Variants in ERC1 observed in about 807,000 individuals in gnomAD.
ERC1 encodes the protein ELKS/RAB6-interacting/CAST family member 1, also known as RAB6 interacting protein 2.
ERC1 carries 56 observed loss-of-function variants against 132.0 expected under a neutral mutation model. The ratio of observed to expected loss-of-function variants is 0.42; its 90% CI spans 0.34 to 0.53. ERC1 has a LOEUF of 0.53. Ranked by LOEUF, ERC1 falls within the 20% of genes least tolerant of loss-of-function variation. The probability of loss-of-function intolerance (pLI) is 0.03; values close to 1 mark genes in which losing one functional copy is unlikely to be tolerated. For missense variants in ERC1, 1,202 were observed against 1,349.9 expected (o/e 0.89, Z 1.72); for synonymous variants, 478 against 476.1 (o/e 1.00, Z -0.05).
chr12:1,139,606 G>A (rs908117586), intron 7 of ERC1, among the ~76,000 whole-genome samples: 2 of 152,102 alleles, frequency 1.3e-5, no homozygotes, highest in East Asian at 3.8e-4. Context: ...GACAAGGGGG[G>A]ATTACTGTAT....
intron 2 of ERC1, among the ~76,000 whole-genome samples, chr12:1,042,296 C>T (rs891450284): frequency 1.3e-5 from 2 of 150,732 alleles, no homozygotes; most frequent in Non-Finnish European, 2.9e-5. Flanking sequence ...CTCAGCTTCC[C>T]GAAGTGCTGG....
At chr12:1,438,954 A>AAAAAATATATAT (rs1015181197) in intron 17 of ERC1, among the ~76,000 whole-genome samples, 24 of 143,576 alleles carry the variant, frequency 1.7e-4, no homozygotes, top group African/African-American at 5.0e-4. Flanking sequence ...TTTAAAAAAA[A>AAAAAATATATAT]ATATATATAT....
chr12:1,178,025 T>TA (rs1247796075), intron 8 of ERC1, among the ~76,000 whole-genome samples: 14 of 152,234 alleles, frequency 9.2e-5, no homozygotes, highest in Non-Finnish European at 1.0e-4. Context: ...GTTCTTACAA[T>TA]AGGCTTTGGT....
chr12:1,121,683 C>A lies in ERC1; in HGVS notation c.1569+5650C>A, dbSNP rs866845489. On this transcript the variant is annotated intron_variant, in intron 7 of 18. Coordinates refer to ENST00000360905, the MANE Select transcript of ERC1 (RefSeq NM_178040.4). ...TATCTCTATCTCTATCTCTATCTAT[C>A]TCTATCTCTATCTCTATCTCTATCT... 8.5e-3 allele frequency among the ~76,000 whole-genome samples: 476 copies of A among 55,872 alleles called. 15 individuals are homozygous for A. Among genetic ancestry groups the A allele is most frequent in the African/African-American group, 0.024 (359 of 15,152 alleles). 36.7% of individuals were successfully genotyped at this position (55,872 alleles called of 152,430 possible).
intron 15 of ERC1, among the ~76,000 whole-genome samples, chr12:1,365,560 A>G (rs534941907): frequency 4.3e-4 from 65 of 152,330 alleles, no homozygotes; most frequent in African/African-American, 1.5e-3. Context: ...TTGTATTCCA[A>G]CTATTCCTAA....
chr12:1,140,982 G>A (rs1356228289), intron 7 of ERC1, among the ~76,000 whole-genome samples: 1 of 152,038 alleles, frequency 6.6e-6, no homozygotes, highest in Non-Finnish European at 1.5e-5. Flanking sequence ...TATGTGTGGG[G>A]TGCTAAAAGC....
intron 15 of ERC1, among the ~76,000 whole-genome samples, chr12:1,299,486 C>T (rs2080227112): frequency 6.6e-6 from 1 of 152,136 alleles, no homozygotes; most frequent in African/African-American, 2.4e-5. Context: ...TTGTGTTTCA[C>T]AGTTGAAAAA....
chr12:1,320,528 A>G (rs1466069257), intron 15 of ERC1, among the ~76,000 whole-genome samples: 2 of 152,222 alleles, frequency 1.3e-5, no homozygotes, highest in Non-Finnish European at 2.9e-5. Context: ...ACAGTTTGCC[A>G]TTACATTCAA....
Position 1,387,180 on chromosome 12 carries a change from C to G in ERC1, c.2925+15203C>G, listed in dbSNP as rs2089469545. ...ATGGAGAAGATGGATCATACTTAGT[C>G]TCCCTCATACCCAACTCAGATTAAT... On this transcript the variant is annotated intron_variant, in intron 16 of 18. Transcript: ENST00000360905. Among the ~76,000 whole-genome samples, 3 of 151,982 alleles carry G rather than the reference C, an allele frequency of 2.0e-5. No homozygotes were observed. In the South Asian group the frequency reaches 6.2e-4, roughly 32 times the overall value.
At position 1,094,019 on chromosome 12, in the gene ERC1, G is replaced by T. The variant is rs1418404541; in HGVS notation, c.1086+10439G>T. 1.2e-4 allele frequency among the ~76,000 whole-genome samples: 11 copies of T among 90,352 alleles called. No individual in the cohort carries two copies. In the South Asian group the frequency reaches 2.5e-3, roughly 20 times the overall value. The allele number at this position is 90,352 out of a possible 152,430, so 59.3% of individuals were successfully genotyped here. On this transcript the variant is annotated intron_variant, in intron 3 of 18. Coordinates refer to ENST00000360905, the MANE Select transcript of ERC1 (RefSeq NM_178040.4). Reference sequence around the variant, plus strand: ...TAGAAAATGAATAGGAATTTAAAAAGAAATTTTTTTTTTTTTTGAGACATA... The same window carrying T: ...TAGAAAATGAATAGGAATTTAAAAATAAATTTTTTTTTTTTTTGAGACATA...
intron 2 of ERC1, among the ~76,000 whole-genome samples, chr12:1,069,644 T>C (rs1939959434): frequency 6.6e-6 from 1 of 152,214 alleles, no homozygotes; most frequent in South Asian, 2.1e-4. Flanking sequence ...TTTTGGAATT[T>C]AGAAATTTTT....
At chr12:1,353,284 C>A (rs2085205816) in intron 15 of ERC1, among the ~76,000 whole-genome samples, 1 of 152,134 alleles carries the variant, frequency 6.6e-6, no homozygotes, top group Non-Finnish European at 1.5e-5. Context: ...CCTGCCTCGG[C>A]CTCCCAAAGT....
At chr12:1,111,666 T>G (rs190352099) in intron 5 of ERC1, among the ~76,000 whole-genome samples, 2 of 151,972 alleles carry the variant, frequency 1.3e-5, no homozygotes, top group East Asian at 3.9e-4. Flanking sequence ...TCGACCAGGC[T>G]GGAGTGCAGT....
chr12:1,145,269 G>T (rs995583125), intron 8 of ERC1, among the ~76,000 whole-genome samples: 1 of 152,012 alleles, frequency 6.6e-6, no homozygotes, highest in African/African-American at 2.4e-5. Flanking sequence ...CACCCGCCTC[G>T]GCCTCCCAAA....
In ERC1 at chr12:1,313,398, C is replaced by T. The variant is rs905588964; in HGVS notation, c.2780+23386C>T. ...ACTATCCAGTGCAAAATCCAGATTC[C>T]GTTAGTAAAGGATGTTGATGGAGTG... On this transcript the variant is annotated intron_variant, in intron 15 of 18. Transcript: ENST00000360905. Among the ~76,000 whole-genome samples, 5 of 152,096 alleles carry T rather than the reference C, an allele frequency of 3.3e-5. No homozygotes were observed. In the East Asian group the frequency reaches 7.8e-4, roughly 24 times the overall value.
intron 18 of ERC1, among the ~76,000 whole-genome samples, chr12:1,483,668 CTTTTTTTTTTTTTTTTTTTTTTTTTT>C (rs35596394): frequency 1.6e-4 from 9 of 55,190 alleles, no homozygotes; most frequent in Non-Finnish European, 3.2e-4. Context: ...CCACTGAGAG[CTTTTTTTTTTTTTTTTTTTTTTTTTT>C]TTTTTTTTTT....
rs116017385 is a variant in ERC1, at chr12:1,077,814, A to C, written c.670-5350A>C. Among the ~76,000 whole-genome samples the C allele has an allele frequency of 6.0e-3, 909 of 152,318 alleles. 9 individuals carry two copies. The highest frequency in any genetic ancestry group is 0.02 in the African/African-American group (839 of 41,582). On this transcript the variant is annotated intron_variant, in intron 2 of 18. Coordinates refer to ENST00000360905, the MANE Select transcript of ERC1 (RefSeq NM_178040.4). ...TTCTGTATGAATATGCTGGAGAAAG[A>C]GTAGCCTTGCTTGTAGTCTGCTTTT...
chr12:1,404,622 C>G (rs2091329848), intron 16 of ERC1, among the ~76,000 whole-genome samples: 1 of 152,184 alleles, frequency 6.6e-6, no homozygotes, highest in African/African-American at 2.4e-5. Context: ...CAAACTTTGG[C>G]CATAGAACCT....
At chr12:1,262,626 C>T (rs1594631980) in intron 13 of ERC1, among the ~76,000 whole-genome samples, 1 of 152,298 alleles carries the variant, frequency 6.6e-6, no homozygotes, top group South Asian at 2.1e-4. Flanking sequence ...TTCATGTAGG[C>T]TTAACTGCAG....
Sources: gnomAD v4.1 joint callset for allele counts (sites outside exome capture counted in the v4.1 genomes callset) on GRCh38, gnomAD v4.1.1 for gene constraint, MANE v1.5 for transcripts, NCBI Gene and HGNC (gene_info 2026-07-23, HGNC 2026-07-21) for gene names.